Variants in TTC28 observed in about 807,000 individuals in gnomAD.
TTC28 encodes tetratricopeptide repeat domain 28.
In TTC28, 61 loss-of-function variants were observed where a neutral mutation model predicts 198.0. The observed-to-expected ratio is 0.31, with a 90% confidence interval of 0.25 to 0.38. TTC28 has a LOEUF of 0.38. Among genes scored for constraint, TTC28 ranks in the 10% least tolerant of loss-of-function variants. The pLI, the probability that TTC28 is intolerant of heterozygous loss-of-function variation, is 1.00. For missense variants in TTC28, 2,678 were observed against 3,164.0 expected, an observed-to-expected ratio of 0.85 and a Z score of 3.69; for synonymous variants, 1,171 against 1,297.8, an observed-to-expected ratio of 0.90 and a Z score of 2.10.
At chr22:28,551,333 T>C (rs2049667379) in intron 2 of TTC28, among the ~76,000 whole-genome samples, 1 of 152,168 alleles carries the variant, frequency 6.6e-6, no homozygotes, top group South Asian at 2.1e-4. Context: ...TTATTGACAC[T>C]ATTCCAAAAG....
At chr22:28,270,083 G>A (rs923313349) in intron 5 of TTC28, among the ~76,000 whole-genome samples, 2 of 152,128 alleles carry the variant, frequency 1.3e-5, no homozygotes, top group Non-Finnish European at 1.5e-5. Context: ...AGCCCCAGGG[G>A]GTCCTGACAA....
At chr22:28,439,328 T>C (rs983478768) in intron 2 of TTC28, among the ~76,000 whole-genome samples, 1 of 152,156 alleles carries the variant, frequency 6.6e-6, no homozygotes, top group Non-Finnish European at 1.5e-5. Context: ...GTAAAATCAC[T>C]ATGGTTTTTT....
chr22:28,234,132 T>C (rs1929042951), intron 5 of TTC28, among the ~76,000 whole-genome samples: 1 of 152,052 alleles, frequency 6.6e-6, no homozygotes, highest in Non-Finnish European at 1.5e-5. Context: ...GGTCTCGATC[T>C]CCTGACCTCG....
chr22:28,550,208 C>A (rs936279441), intron 2 of TTC28, among the ~76,000 whole-genome samples: 3 of 152,086 alleles, frequency 2.0e-5, no homozygotes, highest in South Asian at 2.1e-4. Flanking sequence ...ATGTTAAATT[C>A]TTTAAAAGAA....
intron 8 of TTC28, 60 bp from the exon 9 acceptor site, chr22:28,101,340 G>A: frequency 1.5e-6 from 2 of 1,369,090 alleles, no homozygotes; most frequent in Non-Finnish European, 2.0e-6. Flanking sequence ...ACTATCCTAA[G>A]GAGTCCTGAA....
At chr22:28,639,567 C>T (rs1489938376) in intron 1 of TTC28, among the ~76,000 whole-genome samples, 1 of 152,128 alleles carries the variant, frequency 6.6e-6, no homozygotes, top group Non-Finnish European at 1.5e-5. Flanking sequence ...ATCATGGGAG[C>T]CAGTCTTTCC....
chr22:28,381,889 T>C (rs78818143), intron 2 of TTC28, among the ~76,000 whole-genome samples: 8 of 152,178 alleles, frequency 5.3e-5, no homozygotes, highest in African/African-American at 7.2e-5. Context: ...TAAAATCTAA[T>C]TGAAGTATCT....
chr22:28,439,470 G>A (rs5762622), intron 2 of TTC28, among the ~76,000 whole-genome samples: 39,821 of 152,076 alleles, frequency 0.26, 6,532 homozygotes, highest in South Asian at 0.39. Flanking sequence ...AAAAATCCCT[G>A]GTCAGAAAAA....
At chr22:28,621,926 A>G (rs1371283588) in intron 2 of TTC28, among the ~76,000 whole-genome samples, 1 of 152,188 alleles carries the variant, frequency 6.6e-6, no homozygotes, top group Admixed American at 6.5e-5. Flanking sequence ...AGAATCATTA[A>G]ATCACTGAAA....
In TTC28 at chr22:28,233,476, A is replaced by C. The variant is rs376417812; in HGVS notation, c.933+62722T>G. 1.1e-4 allele frequency among the ~76,000 whole-genome samples: 17 copies of C among 152,306 alleles called. No homozygotes were observed. The East Asian group carries it at 2.7e-3, about 24-fold the overall frequency. Reference sequence around the variant, plus strand: ...TGTTGCCATATTGTTTAATATGTGAATATCTGTCCATTATACAACTAGTGA... The same window carrying C: ...TGTTGCCATATTGTTTAATATGTGACTATCTGTCCATTATACAACTAGTGA... On this transcript the variant is annotated intron_variant, in intron 5 of 22. Transcript: ENST00000397906.
intron 2 of TTC28, among the ~76,000 whole-genome samples, chr22:28,331,440 G>A (rs2045615141): frequency 6.6e-6 from 1 of 151,980 alleles, no homozygotes; most frequent in Non-Finnish European, 1.5e-5. Flanking sequence ...TTCCAGCACA[G>A]GTTTGACACA....
chr22:28,489,527 C>A (rs1197658899), intron 2 of TTC28, among the ~76,000 whole-genome samples: 1 of 152,014 alleles, frequency 6.6e-6, no homozygotes, highest in African/African-American at 2.4e-5. Context: ...TCTTTTTGTT[C>A]TTAACTACCC....
In TTC28 at chr22:27,985,263, A is replaced by G; in HGVS notation, c.5801T>C (p.Leu1934Pro). The change falls in exon 22 of 23, where the codon CTG (leucine) becomes CCG (proline). Residue 1934 changes from leucine to proline, a missense_variant. Coordinates refer to ENST00000397906, the MANE Select transcript of TTC28 (RefSeq NM_001145418.2). ...RRTVHFALQS[L>P]LSLFDSTELP... The stretch of plus-strand genomic sequence containing the variant: ...CAGGCTCTTACCAAACAGAGACAGC[A>G]GGGACTGGAGCGCGAAGTGCACAGT... 1 of 1,551,338 alleles carries G rather than the reference A, an allele frequency of 6.4e-7. No individual in the cohort carries two copies. The highest frequency in any genetic ancestry group is 1.4e-5 in the African/African-American group (1 of 73,166).
At chr22:28,567,509 T>TATATATATATATATATATATATATA (rs10525847) in intron 2 of TTC28, among the ~76,000 whole-genome samples, 1 of 134,436 alleles carries the variant, frequency 7.4e-6, no homozygotes, top group East Asian at 2.2e-4. Context: ...TATATATATA[T>TATATATATATATATATATATATATA]GTTTTTACCT....
intron 6 of TTC28, among the ~76,000 whole-genome samples, chr22:28,112,527 G>A (rs1317575260): frequency 6.6e-6 from 1 of 152,208 alleles, no homozygotes; most frequent in Non-Finnish European, 1.5e-5. Context: ...AGTAAGAAGA[G>A]ATGGATGAGG....
chr22:28,590,830 G>A (rs886545197), intron 2 of TTC28, among the ~76,000 whole-genome samples: 12 of 150,950 alleles, frequency 7.9e-5, no homozygotes, highest in African/African-American at 1.2e-4. Context: ...CCAACATGGT[G>A]AACCCCCGTC....
At chr22:28,261,313 G>A in intron 5 of TTC28, among the ~76,000 whole-genome samples, 1 of 152,168 alleles carries the variant, frequency 6.6e-6, no homozygotes, top group Non-Finnish European at 1.5e-5. Flanking sequence ...GATATAGTTA[G>A]TACAGTAGAA....
At chr22:28,026,408 C>T (rs1347932700) in intron 13 of TTC28, among the ~76,000 whole-genome samples, 7 of 152,154 alleles carry the variant, frequency 4.6e-5, no homozygotes, top group African/African-American at 1.2e-4. Context: ...ACCCGTGCCA[C>T]GTTAAATGTG....
intron 2 of TTC28, among the ~76,000 whole-genome samples, chr22:28,309,343 T>C (rs1034342808): frequency 6.6e-6 from 1 of 152,196 alleles, no homozygotes; most frequent in Non-Finnish European, 1.5e-5. Flanking sequence ...ATCAAGAAAC[T>C]ATATAATTGA....
Sources: allele counts gnomAD v4.1 joint callset (sites outside exome capture counted in the v4.1 genomes callset), GRCh38; gene constraint gnomAD v4.1.1; transcripts MANE v1.5; gene names NCBI Gene and HGNC (gene_info 2026-07-23, HGNC 2026-07-21).